Variants in GNAO1 observed in about 807,000 individuals in gnomAD.
GNAO1 encodes the protein guanine nucleotide-binding protein G(o) subunit alpha.
For synonymous variants in GNAO1, 164 were observed against 180.7 expected, an observed-to-expected ratio of 0.91 and a Z score of 0.74; for missense variants, 166 against 478.7, an observed-to-expected ratio of 0.35 and a Z score of 6.10.
intron 2 of GNAO1, among the ~76,000 whole-genome samples, chr16:56,247,728 G>A (rs371364381): frequency 3.9e-5 from 6 of 152,158 alleles, no homozygotes; most frequent in African/African-American, 1.4e-4. Context: ...GCTTCTTGGA[G>A]CAGGAATGTG....
In GNAO1 at chr16:56,191,974, G is replaced by T; in HGVS notation, c.-262G>T. ...CGCGGGCGCCTCCTCCCTTGGCTCC[G>T]GAGCCCCAGACCCCGGCCACCCTCG... On this transcript the variant is annotated 5_prime_UTR_variant, in exon 1 of 9. Transcript: ENST00000262493. The surrounding 1 kb of genome is among the most constrained non-coding windows in gnomAD (Gnocchi z 4.7). The T allele has an allele frequency of 1.9e-6, 1 of 517,722 alleles. No homozygotes were observed. Among genetic ancestry groups the T allele is most frequent in the Non-Finnish European group, 3.4e-6 (1 of 293,002 alleles). The allele number at this position is 517,722 out of a possible 1,614,324, so 32.1% of individuals were successfully genotyped here. A position where few individuals can be genotyped will look rare whatever the true frequency, so the allele number is the denominator to read the frequency against.
At chr16:56,203,555 G>A (rs947191350) in intron 2 of GNAO1, among the ~76,000 whole-genome samples, 28 of 152,094 alleles carry the variant, frequency 1.8e-4, no homozygotes, top group Admixed American at 9.2e-4. Context: ...GAGACTGGAG[G>A]ACAAAAGAGA....
In GNAO1 at chr16:56,336,880, C is replaced by T. The variant is rs370692563; in HGVS notation, c.723+20C>T. 1.3e-5 allele frequency: 21 copies of T among 1,601,460 alleles called. No homozygotes were observed. Among genetic ancestry groups the T allele is most frequent in the African/African-American group, 1.1e-4 (8 of 74,794 alleles). On this transcript the variant is annotated intron_variant, in intron 6 of 8. Transcript: ENST00000262493. ...ACCACGGTGAGTGGCCTGGGCCCCC[C>T]GGGCAGGGGGCAGCGCTGAGGAGAC...
chr16:56,302,895 A>C (rs1268308921), intron 3 of GNAO1: 1 of 152,250 alleles, frequency 6.6e-6, no homozygotes, highest in Non-Finnish European at 1.5e-5. Flanking sequence ...TAATTAATTG[A>C]GCAAATCACA....
chr16:56,242,369 A>G (rs1223819826), intron 2 of GNAO1, among the ~76,000 whole-genome samples: 2 of 152,232 alleles, frequency 1.3e-5, no homozygotes, highest in Admixed American at 6.5e-5. Context: ...AGCCAAAACA[A>G]TCCTGAAAGA....
intron 4 of GNAO1, among the ~76,000 whole-genome samples, chr16:56,334,069 G>C (rs2037717112): frequency 6.6e-6 from 1 of 152,246 alleles, no homozygotes; most frequent in Non-Finnish European, 1.5e-5. Flanking sequence ...GCAGGAGGTA[G>C]CAGGGGTAAA....
At chr16:56,233,973 G>A (rs1208920820) in intron 2 of GNAO1, among the ~76,000 whole-genome samples, 1 of 152,188 alleles carries the variant, frequency 6.6e-6, no homozygotes, top group Non-Finnish European at 1.5e-5. Context: ...CGGCTCTGCT[G>A]GGAAGCATGG....
At chr16:56,299,507 C>T (rs1596850460) in intron 3 of GNAO1, among the ~76,000 whole-genome samples, 1 of 152,292 alleles carries the variant, frequency 6.6e-6, no homozygotes, top group African/African-American at 2.4e-5. Context: ...CCCCACCCAG[C>T]CCGAGGCAGC....
intron 6 of GNAO1, chr16:56,347,282 T>C: frequency 4.1e-6 from 4 of 985,428 alleles, no homozygotes; most frequent in Non-Finnish European, 4.8e-6. Flanking sequence ...AGGCTCCAGC[T>C]CCGCGGCCAC....
At position 56,197,009 on chromosome 16, in the gene GNAO1, C is replaced by G. The variant is rs181874736; in HGVS notation, c.161+4393C>G. Among the ~76,000 whole-genome samples, 113 of 152,308 alleles carry G rather than the reference C, an allele frequency of 7.4e-4. No individual in the cohort carries two copies. In the Middle Eastern group the frequency reaches 0.01, roughly 14 times the overall value. ...CCTGACTTTGTAATTAGGGTATCTA[C>G]TGTTTGGTATGGGTTCAGGGCAAGC... On this transcript the variant is annotated intron_variant, in intron 2 of 8. Coordinates refer to ENST00000262493, the MANE Select transcript of GNAO1 (RefSeq NM_020988.3).
intron 2 of GNAO1, among the ~76,000 whole-genome samples, chr16:56,212,946 CT>C (rs2036404081): frequency 6.6e-6 from 1 of 152,212 alleles, no homozygotes; most frequent in South Asian, 2.1e-4. Flanking sequence ...ATCTGGCAGG[CT>C]TTTTCTATAA....
chr16:56,212,050 G>C (rs2036394224), intron 2 of GNAO1, among the ~76,000 whole-genome samples: 1 of 152,184 alleles, frequency 6.6e-6, no homozygotes, highest in African/African-American at 2.4e-5. Context: ...CAGGCTGCTT[G>C]GCAATTGATG....
chr16:56,275,066 G>A (rs2037050166), intron 2 of GNAO1, among the ~76,000 whole-genome samples: 1 of 152,250 alleles, frequency 6.6e-6, no homozygotes, highest in South Asian at 2.1e-4. Context: ...CGTGTCACAA[G>A]TAGTGTTCTA....
chr16:56,276,122 AC>A (rs1567465682), intron 3 of GNAO1, 50 bp downstream of exon 3: 3 of 1,526,186 alleles, frequency 2.0e-6, no homozygotes, highest in Admixed American at 1.8e-5. Flanking sequence ...TGTCTGTGTT[AC>A]CCCACTGCCT....
At chr16:56,192,421 C>T (rs1289943982) in intron 1 of GNAO1, 68 bp downstream of exon 1, 1 of 1,029,454 alleles carries the variant, frequency 9.7e-7, no homozygotes, top group Non-Finnish European at 1.5e-6. Context: ...CACCAGCTCC[C>T]CCACCCCACT....
chr16:56,288,736 T>C (rs1596844177), intron 3 of GNAO1, among the ~76,000 whole-genome samples: 1 of 151,910 alleles, frequency 6.6e-6, no homozygotes, highest in Non-Finnish European at 1.5e-5. Context: ...GCAGCAGGGG[T>C]GGAGGCGGGT....
At chr16:56,195,606 A>G (rs929696430) in intron 2 of GNAO1, among the ~76,000 whole-genome samples, 3 of 152,222 alleles carry the variant, frequency 2.0e-5, no homozygotes, top group African/African-American at 4.8e-5. Flanking sequence ...CTATCAGGCC[A>G]TATGTACAGG....
chr16:56,204,466 G>A (rs1381291489), intron 2 of GNAO1, among the ~76,000 whole-genome samples: 5 of 152,138 alleles, frequency 3.3e-5, no homozygotes, highest in Non-Finnish European at 7.3e-5. Context: ...CACCATTGTG[G>A]CAGTGAGGAA....
intron 6 of GNAO1, among the ~76,000 whole-genome samples, chr16:56,342,739 G>A (rs577449729): frequency 6.6e-6 from 1 of 152,226 alleles, no homozygotes; most frequent in Admixed American, 6.5e-5. Context: ...GGTGTGCATC[G>A]ACCAGGGCTA....
Sources: gnomAD v4.1 joint callset for allele counts (sites outside exome capture counted in the v4.1 genomes callset) on GRCh38, gnomAD v4.1.1 for gene constraint, Gnocchi (gnomAD v3.1) non-coding constraint, MANE v1.5 for transcripts, NCBI Gene and HGNC (gene_info 2026-07-23, HGNC 2026-07-21) for gene names.